The following NAA25 variants were observed in gnomAD, a reference collection of about 807,000 sequenced individuals.
NAA25 encodes the protein N-alpha-acetyltransferase 25, NatB auxiliary subunit, also known as N-terminal acetyltransferase B complex subunit NAA25.
NAA25 carries 30 observed loss-of-function variants against 132.5 expected under a neutral mutation model. The ratio of observed to expected loss-of-function variants is 0.23; its 90% CI spans 0.17 to 0.31. The LOEUF is 0.31. Ranked by LOEUF, NAA25 falls within the 10% of genes least tolerant of loss-of-function variation. The pLI, the probability that NAA25 is intolerant of heterozygous loss-of-function variation, is 1.00. For synonymous variants in NAA25, 359 were observed against 401.9 expected (o/e 0.89, Z 1.28); for missense variants, 771 against 1,150.4 (o/e 0.67, Z 4.77).
At chr12:112,069,121 C>CG (rs1306199559) in intron 10 of NAA25, 129 bp from the exon 11 acceptor site, 1 of 613,772 alleles carries the variant, frequency 1.6e-6, no homozygotes, top group African/African-American at 1.9e-5. Context: ...CCCAAGATAG[C>CG]GGGTTATCTC....
At chr12:112,039,600 C>T in intron 21 of NAA25, 1 of 256,442 alleles carries the variant, frequency 3.9e-6, no homozygotes, top group Admixed American at 5.5e-5. Flanking sequence ...CTCCACTTCA[C>T]TCCAATTTTC....
In NAA25 at chr12:112,042,084, C is replaced by A; in HGVS notation, c.2395G>T (p.Glu799Ter). ...SGLEDTMEIQ[E>*]RIENSFKSLL... ...GACTTAAAACTATTTTCTATTCGTT[C>A]CTGAATCTCCATTGTATCCTCTAAA... The change falls in exon 20 of 24, where the codon GAA (glutamate) becomes TAA (stop). Residue 799 changes from glutamate to a stop codon, truncating the protein, a stop_gained. Transcript: ENST00000261745. LOFTEE classifies it high-confidence loss of function. The A allele has an allele frequency of 6.7e-7, 1 of 1,484,598 alleles. No individual in the cohort carries two copies. The highest frequency in any genetic ancestry group is 1.4e-5 in the South Asian group (1 of 73,034). The allele number at this position is 1,484,598 out of a possible 1,614,324, so 92.0% of individuals were successfully genotyped here. A position where few individuals can be genotyped will look rare whatever the true frequency, so the allele number is the denominator to read the frequency against.
At chr12:112,048,778 G>A (rs1465458468) in intron 15 of NAA25, among the ~76,000 whole-genome samples, 1 of 152,202 alleles carries the variant, frequency 6.6e-6, no homozygotes, top group Admixed American at 6.5e-5. Flanking sequence ...TGCCATTCTG[G>A]AAGGGATGTT....
chr12:112,079,719 ACAGAATCT>A (rs1055301811), intron 5 of NAA25, among the ~76,000 whole-genome samples: 3 of 152,086 alleles, frequency 2.0e-5, no homozygotes, highest in Admixed American at 6.6e-5. Context: ...CCTCTCCTAT[ACAGAATCT>A]CACTTTGGTC....
At chr12:112,046,960 C>T (rs1332208198) in intron 17 of NAA25, among the ~76,000 whole-genome samples, 1 of 152,072 alleles carries the variant, frequency 6.6e-6, no homozygotes, top group Non-Finnish European at 1.5e-5. Flanking sequence ...AAAGGCTTTC[C>T]TCACCTATTT....
chr12:112,052,797 T>C (rs1254716030), intron 15 of NAA25, among the ~76,000 whole-genome samples: 16 of 152,258 alleles, frequency 1.1e-4, no homozygotes, highest in Non-Finnish European at 5.9e-5. Flanking sequence ...TATGGGCAGA[T>C]AGCTGGCACA....
chr12:112,042,419 A>C (rs2078313042), intron 19 of NAA25: 1 of 160,472 alleles, frequency 6.2e-6, no homozygotes, highest in Non-Finnish European at 1.4e-5. Context: ...TAAATAAATA[A>C]AAGGAAAAGG....
chr12:112,045,310 T>G (rs2078363068), intron 17 of NAA25, among the ~76,000 whole-genome samples: 1 of 151,352 alleles, frequency 6.6e-6, no homozygotes, highest in South Asian at 2.1e-4. Flanking sequence ...GCTAACACAG[T>G]AAAATCCCAT....
chr12:112,056,395 A>C (rs2078546833), intron 13 of NAA25, among the ~76,000 whole-genome samples: 1 of 152,000 alleles, frequency 6.6e-6, no homozygotes, highest in African/African-American at 2.4e-5. Context: ...TAACTAAATA[A>C]ATAATACAAA....
intron 21 of NAA25, 114 bp downstream of exon 21, chr12:112,040,367 G>A: frequency 3.5e-6 from 2 of 577,114 alleles, no homozygotes; most frequent in Non-Finnish European, 3.1e-6. Context: ...CAAAAACAGG[G>A]ATGGAGGGTT....
chr12:112,052,144 A>AT (rs367903117), intron 15 of NAA25, among the ~76,000 whole-genome samples: 191 of 150,426 alleles, frequency 1.3e-3, no homozygotes, highest in African/African-American at 4.2e-3. Flanking sequence ...AATCCTTTTG[A>AT]TTTTTTTTTT....
At chr12:112,065,071 C>G (rs2078695771) in intron 11 of NAA25, among the ~76,000 whole-genome samples, 1 of 150,234 alleles carries the variant, frequency 6.7e-6, no homozygotes, top group Non-Finnish European at 1.5e-5. Flanking sequence ...AAACTAGAAT[C>G]AGCCAGGCAT....
At chr12:112,071,826 C>CGGTGGTCGCCGG in intron 10 of NAA25, 69 bp downstream of exon 10, 3 of 1,247,880 alleles carry the variant, frequency 2.4e-6, no homozygotes, top group Non-Finnish European at 2.2e-6. Context: ...GTGTAGATCT[C>CGGTGGTCGCCGG]AACTAATGAA....
chr12:112,048,869 C>A (rs988147716), intron 15 of NAA25, among the ~76,000 whole-genome samples: 1 of 151,404 alleles, frequency 6.6e-6, no homozygotes, highest in Non-Finnish European at 1.5e-5. Flanking sequence ...AACCACCTGC[C>A]CCCCGCCCCC....
intron 22 of NAA25, chr12:112,033,763 C>T (rs1173102345): frequency 6.5e-6 from 1 of 153,120 alleles, no homozygotes; most frequent in African/African-American, 2.4e-5. Context: ...AAAAAAATCA[C>T]TCAAGTTAAA....
At chr12:112,045,806 G>C (rs915921968) in intron 17 of NAA25, among the ~76,000 whole-genome samples, 17 of 151,670 alleles carry the variant, frequency 1.1e-4, no homozygotes, top group African/African-American at 3.4e-4. Context: ...AAAATAAAAA[G>C]TAACTAAAAA....
intron 1 of NAA25, among the ~76,000 whole-genome samples, chr12:112,101,461 TATAAG>T (rs2079294719): frequency 6.6e-6 from 1 of 151,802 alleles, no homozygotes; most frequent in Non-Finnish European, 1.5e-5. Flanking sequence ...AAGATATATA[TATAAG>T]ATAATACAGG....
In NAA25 at chr12:112,068,992, C is replaced by T; in HGVS notation, c.1037G>A (p.Gly346Asp). 2 of 1,566,892 alleles carry T rather than the reference C, an allele frequency of 1.3e-6. No individual in the cohort carries two copies. Among genetic ancestry groups the T allele is most frequent in the Non-Finnish European group, 1.8e-6 (2 of 1,140,590 alleles). Residue 346 changes from glycine (G) to aspartate (D), a missense_variant and splice_region_variant, in exon 11 of 24, where the codon GGT becomes GAT. Gly to Asp is a moderately conservative substitution (Grantham distance 94). Coordinates refer to ENST00000261745, the MANE Select transcript of NAA25 (RefSeq NM_024953.4). ...SQGCNDEYKL[G>D]DPEELMFQYF... ...CTGGAACATTAATTCTTCTGGATCA[C>T]CTGGGGGACGGGGAACAAAATCACT... is the stretch of plus-strand genomic sequence containing the variant.
rs1033041221 is a variant in NAA25 at position 112,027,976 on chromosome 12, C to A, written c.*1555G>T. On this transcript the variant is annotated 3_prime_UTR_variant, in exon 24 of 24. Transcript: ENST00000261745. ...TTGATGGACTAGGATTTCCAACAAG[C>A]CTTATTTTGAACAGGTAATGTAGTA... The A allele has an allele frequency of 6.6e-6, 1 of 152,132 alleles. No individual in the cohort carries two copies. The highest frequency in any genetic ancestry group is 2.4e-5 in the African/African-American group (1 of 41,414). 9.4% of individuals were successfully genotyped at this position (152,132 alleles called of 1,614,324 possible). A position where few individuals can be genotyped will look rare whatever the true frequency, so the allele number is the denominator to read the frequency against.
Sources: allele counts gnomAD v4.1 joint callset (sites outside exome capture counted in the v4.1 genomes callset), GRCh38; gene constraint gnomAD v4.1.1; transcripts MANE v1.5; gene names NCBI Gene and HGNC (gene_info 2026-07-23, HGNC 2026-07-21).